ADAMTSL1: variants seen among roughly 807,000 people sequenced by gnomAD.
The protein encoded by ADAMTSL1 is ADAMTS like 1.
In ADAMTSL1, 126 loss-of-function variants were observed where a neutral mutation model predicts 201.8. The observed-to-expected ratio is 0.62, with a 90% CI of 0.54 to 0.72. ADAMTSL1 has a LOEUF of 0.72. ADAMTSL1 is among the 30% of genes least tolerant of loss of function. ADAMTSL1 has a pLI of 0.00. For synonymous variants in ADAMTSL1, 1,121 were observed against 903.4 expected, an observed-to-expected ratio of 1.24 and a Z score of -4.32; for missense variants, 2,679 against 2,277.8, an observed-to-expected ratio of 1.18 and a Z score of -3.59.
chr9:18,325,007 C>T (rs1333885568), intron 2 of ADAMTSL1, among the ~76,000 whole-genome samples: 1 of 152,086 alleles, frequency 6.6e-6, no homozygotes, highest in African/African-American at 2.4e-5. Context: ...TTATCAGCAG[C>T]ATTCATCAGG....
At chr9:18,628,900 T>G (rs1479349226) in intron 5 of ADAMTSL1, among the ~76,000 whole-genome samples, 2 of 152,224 alleles carry the variant, frequency 1.3e-5, no homozygotes, top group Non-Finnish European at 2.9e-5. Flanking sequence ...TTGCCCAGAC[T>G]GAAGTGCAGT....
rs1263068085 is a variant in ADAMTSL1 at position 18,648,018 on chromosome 9, G to C, written c.834+8607G>C. Among the ~76,000 whole-genome samples the C allele has an allele frequency of 2.7e-5, 4 of 149,502 alleles. No homozygotes were observed. In the East Asian group the frequency reaches 7.7e-4, roughly 29 times the overall value. Reference sequence around the variant, plus strand: ...AGTCTCCCATTATTATTGTGTGGGAGTCTAAGTCTCTTTGTAGGTCACTCA... The same window carrying C: ...AGTCTCCCATTATTATTGTGTGGGACTCTAAGTCTCTTTGTAGGTCACTCA... On this transcript the variant is annotated intron_variant, in intron 7 of 28. Coordinates refer to ENST00000380548, the MANE Select transcript of ADAMTSL1 (RefSeq NM_001040272.6).
chr9:18,833,882 G>A (rs1431453331), intron 23 of ADAMTSL1, among the ~76,000 whole-genome samples: 3 of 152,136 alleles, frequency 2.0e-5, no homozygotes, highest in African/African-American at 7.2e-5. Flanking sequence ...GTAAGGAAGG[G>A]ACTCAGTTTT....
chr9:18,357,082 CA>C (rs1291119786), intron 2 of ADAMTSL1, among the ~76,000 whole-genome samples: 2 of 152,034 alleles, frequency 1.3e-5, no homozygotes, highest in South Asian at 2.1e-4. Context: ...ACACACATAT[CA>C]GCCATACTGG....
intron 1 of ADAMTSL1, among the ~76,000 whole-genome samples, chr9:18,082,100 C>G (rs1191310230): frequency 2.0e-5 from 3 of 152,148 alleles, no homozygotes; most frequent in Admixed American, 6.5e-5. Context: ...TGCAAATAAG[C>G]TCATTTTCAA....
chr9:18,543,092 C>G (rs1320248195), intron 3 of ADAMTSL1, among the ~76,000 whole-genome samples: 1 of 152,094 alleles, frequency 6.6e-6, no homozygotes, highest in East Asian at 1.9e-4. Flanking sequence ...TGTTCTTTGG[C>G]CAAATACTTG....
At chr9:18,841,507 TTGTGTCTC>T (rs1825713763) in intron 23 of ADAMTSL1, among the ~76,000 whole-genome samples, 1 of 152,180 alleles carries the variant, frequency 6.6e-6, no homozygotes, top group Non-Finnish European at 1.5e-5. Context: ...TCTCTTTTGG[TTGTGTCTC>T]TGCCCGGCTT....
At chr9:18,730,308 G>A (rs1482297474) in intron 15 of ADAMTSL1, among the ~76,000 whole-genome samples, 1 of 152,224 alleles carries the variant, frequency 6.6e-6, no homozygotes, top group African/African-American at 2.4e-5. Context: ...TGAGAAAGAG[G>A]TAGAGAAAAA....
rs1171520469 is a variant in ADAMTSL1, at chr9:18,416,762, C to T, written c.208-88067C>T. Among the ~76,000 whole-genome samples, 5 of 151,906 alleles carry T rather than the reference C, an allele frequency of 3.3e-5. No individual in the cohort carries two copies. In the South Asian group the frequency reaches 1.0e-3, roughly 32 times the overall value. The stretch of plus-strand genomic sequence containing the variant: ...ACTAATCCACATATTTTTAAAAGAG[C>T]TTCTAAATGCTTAAAGCAAAATCTG... On this transcript the variant is annotated intron_variant, in intron 2 of 29. Coordinates refer to the ADAMTSL1 transcript ENST00000680146.
At chr9:17,982,033 G>C (rs1818727534) in intron 1 of ADAMTSL1, among the ~76,000 whole-genome samples, 1 of 152,152 alleles carries the variant, frequency 6.6e-6, no homozygotes, top group African/African-American at 2.4e-5. Flanking sequence ...CTTAAAAAGG[G>C]AGAAGGCCTG....
Position 18,872,508 on chromosome 9 carries a change from A to G in ADAMTSL1, c.4250-15323A>G, listed in dbSNP as rs80104600. On this transcript the variant is annotated intron_variant, in intron 23 of 28. Transcript: ENST00000380548. ...CCACCTCCCATGCTTCCTTCCGAGT[A>G]CCCAGAGTCCATTGTATCATTCTTA... Among the ~76,000 whole-genome samples the G allele has an allele frequency of 9.2e-3, 1,401 of 152,186 alleles. 21 individuals carry two copies. The highest frequency in any genetic ancestry group is 0.032 in the African/African-American group (1,335 of 41,526).
At chr9:18,117,893 A>C (rs966559066) in intron 1 of ADAMTSL1, among the ~76,000 whole-genome samples, 1 of 152,192 alleles carries the variant, frequency 6.6e-6, no homozygotes, top group Non-Finnish European at 1.5e-5. Context: ...GGCTAGCCAC[A>C]TGAGGGTTAC....
chr9:18,833,641 AG>A (rs1825136307), intron 23 of ADAMTSL1, among the ~76,000 whole-genome samples: 1 of 152,054 alleles, frequency 6.6e-6, no homozygotes, highest in African/African-American at 2.4e-5. Flanking sequence ...CCCATTCTGT[AG>A]GTTGTGTTTC....
At chr9:18,428,434 C>A (rs115695405) in intron 2 of ADAMTSL1, among the ~76,000 whole-genome samples, 3,290 of 118,648 alleles carry the variant, frequency 0.028, no homozygotes, top group Non-Finnish European at 0.034. Flanking sequence ...CCTATGTCTA[C>A]AAAAAAAAAA....
At chr9:18,729,578 TATA>T (rs1357776756) in intron 15 of ADAMTSL1, among the ~76,000 whole-genome samples, 1 of 152,248 alleles carries the variant, frequency 6.6e-6, no homozygotes. Flanking sequence ...TCCGTCCATT[TATA>T]ATGTTACGCT....
At chr9:18,294,807 G>A (rs558612784) in intron 2 of ADAMTSL1, among the ~76,000 whole-genome samples, 4 of 152,318 alleles carry the variant, frequency 2.6e-5, no homozygotes, top group South Asian at 2.1e-4. Flanking sequence ...AACTGTTGGA[G>A]GAAACTGACT....
chr9:18,054,740 T>A (rs1822097937), intron 1 of ADAMTSL1, among the ~76,000 whole-genome samples: 1 of 152,240 alleles, frequency 6.6e-6, no homozygotes, highest in African/African-American at 2.4e-5. Context: ...TAATATTTTT[T>A]AAACCCTTTT....
At chr9:18,583,078 C>A (rs113016458) in intron 4 of ADAMTSL1, among the ~76,000 whole-genome samples, 3 of 151,948 alleles carry the variant, frequency 2.0e-5, no homozygotes, top group Non-Finnish European at 4.4e-5. Flanking sequence ...TTATAAGCAG[C>A]GTGAAAATGG....
chr9:17,984,873 C>T (rs1264514347), intron 1 of ADAMTSL1, among the ~76,000 whole-genome samples: 2 of 152,030 alleles, frequency 1.3e-5, no homozygotes, highest in Admixed American at 1.3e-4. Flanking sequence ...TAATCATAAC[C>T]CCCTCTACCT....
Sources: allele counts gnomAD v4.1 joint callset (sites outside exome capture counted in the v4.1 genomes callset), GRCh38; gene constraint gnomAD v4.1.1; transcripts MANE v1.5; gene names NCBI Gene and HGNC (gene_info 2026-07-23, HGNC 2026-07-21).